MCC: variants seen among roughly 807,000 people sequenced by gnomAD.
The protein encoded by MCC is colorectal mutant cancer protein.
In MCC, 90 loss-of-function variants were observed where a neutral mutation model predicts 116.2. The observed-to-expected ratio is 0.77, with a 90% CI of 0.65 to 0.92. The LOEUF is 0.92. Among genes scored for constraint, MCC ranks in the 40% least tolerant of loss-of-function variants. The pLI, the probability that MCC is intolerant of heterozygous loss-of-function variation, is 0.00. For synonymous variants in MCC, 578 were observed against 510.5 expected, an observed-to-expected ratio of 1.13 and a Z score of -1.78; for missense variants, 1,516 against 1,312.2, an observed-to-expected ratio of 1.16 and a Z score of -2.40.
In MCC at chr5:113,446,071, C is replaced by T. The variant is rs137943725; in HGVS notation, c.170+42174G>A. 2.3e-3 allele frequency among the ~76,000 whole-genome samples: 351 copies of T among 152,272 alleles called. 2 individuals are homozygous for T. The highest frequency in any genetic ancestry group is 8.3e-3 in the African/African-American group (344 of 41,560). ...GCAGAAGAATTCAACTGAACCCCTACCTTTCACCATATATAAAAATTAACT... is the reference window on the plus strand; with the variant it reads ...GCAGAAGAATTCAACTGAACCCCTATCTTTCACCATATATAAAAATTAACT... On this transcript the variant is annotated intron_variant, in intron 1 of 18. Transcript: ENST00000408903.
At chr5:113,252,115 A>C (rs1488808780) in intron 3 of MCC, among the ~76,000 whole-genome samples, 1 of 152,122 alleles carries the variant, frequency 6.6e-6, no homozygotes, top group Non-Finnish European at 1.5e-5. Flanking sequence ...GCCAACACCT[A>C]ACCAGTGGCT....
intron 6 of MCC, among the ~76,000 whole-genome samples, chr5:113,118,336 C>T (rs931160835): frequency 5.9e-5 from 9 of 152,060 alleles, no homozygotes; most frequent in Non-Finnish European, 7.4e-5. Context: ...CAATGTGTGA[C>T]GAGGTTTGAT....
chr5:113,457,669 C>G (rs1437910954), intron 1 of MCC, among the ~76,000 whole-genome samples: 1 of 151,278 alleles, frequency 6.6e-6, no homozygotes, highest in Admixed American at 6.6e-5. Context: ...ATACACCAAT[C>G]GGCACTCTGT....
chr5:113,403,265 C>T (rs1314739583), intron 1 of MCC, among the ~76,000 whole-genome samples: 1 of 152,098 alleles, frequency 6.6e-6, no homozygotes, highest in Non-Finnish European at 1.5e-5. Context: ...TTTGACGTAC[C>T]ATTCTAAGGA....
At chr5:113,096,318 C>A (rs1322097553) in intron 8 of MCC, among the ~76,000 whole-genome samples, 1 of 152,240 alleles carries the variant, frequency 6.6e-6, no homozygotes, top group Middle Eastern at 3.2e-3. Flanking sequence ...GTGCTGACCA[C>A]AATCATAATG....
intron 2 of MCC, among the ~76,000 whole-genome samples, chr5:113,382,131 C>A (rs1409622358): frequency 6.6e-6 from 1 of 152,032 alleles, no homozygotes; most frequent in South Asian, 2.1e-4. Context: ...CTAATGGGGA[C>A]ACAAAGTCAA....
chr5:113,213,381 A>C (rs1763200037), intron 3 of MCC, among the ~76,000 whole-genome samples: 1 of 152,226 alleles, frequency 6.6e-6, no homozygotes, highest in Admixed American at 6.5e-5. Flanking sequence ...GGGGGAGATA[A>C]AGAAATCTGT....
At chr5:113,479,861 G>C (rs1161599137) in intron 1 of MCC, among the ~76,000 whole-genome samples, 2 of 152,116 alleles carry the variant, frequency 1.3e-5, no homozygotes, top group Non-Finnish European at 2.9e-5. Context: ...CTTGGCTTTG[G>C]TTATGCTGCC....
chr5:113,132,765 T>C (rs1470444693), intron 5 of MCC, among the ~76,000 whole-genome samples: 1 of 152,184 alleles, frequency 6.6e-6, no homozygotes, highest in Non-Finnish European at 1.5e-5. Flanking sequence ...TACTGGAAGG[T>C]ATCCTAGGGA....
rs1750382696 is a variant in MCC, at chr5:113,024,403, C to G, written c.*2899G>C. ...CACTCGCAACTACGGACAGAAGTCT[C>G]TTTTGCTTGTGATTTGCACAGTTGG... On this transcript the variant is annotated 3_prime_UTR_variant, in exon 19 of 19. Coordinates refer to ENST00000408903, the MANE Select transcript of MCC (RefSeq NM_001085377.2). 6.6e-6 allele frequency: 1 copy of G among 152,176 alleles called. No homozygotes were observed. The highest frequency in any genetic ancestry group is 1.5e-5 in the Non-Finnish European group (1 of 68,050). The allele number at this position is 152,176 out of a possible 1,614,324, so 9.4% of individuals were successfully genotyped here.
chr5:113,170,054 C>T (rs141029145), intron 3 of MCC, among the ~76,000 whole-genome samples: 1 of 152,212 alleles, frequency 6.6e-6, no homozygotes, highest in Non-Finnish European at 1.5e-5. Flanking sequence ...ATATACCCCA[C>T]ACATCTAAGC....
At chr5:113,411,779 G>C (rs1769999611) in intron 1 of MCC, among the ~76,000 whole-genome samples, 1 of 152,130 alleles carries the variant, frequency 6.6e-6, no homozygotes, top group Admixed American at 6.5e-5. Flanking sequence ...AGTTTAATTA[G>C]ATCCCATTTG....
At chr5:113,258,602 A>G (rs1450940107) in intron 3 of MCC, among the ~76,000 whole-genome samples, 6 of 152,314 alleles carry the variant, frequency 3.9e-5, no homozygotes, top group African/African-American at 1.4e-4. Context: ...TCATCCCAAT[A>G]CCATCCGCCA....
In MCC at chr5:113,077,512, CTG is replaced by C; in HGVS notation, c.1784+5346_1784+5347del. ...TCAGGATTAAGAAACTCACTCAAAACTGCATAACTACATGGAAACTGAACAAC... is the reference window on the plus strand; with the variant it reads ...TCAGGATTAAGAAACTCACTCAAAACCATAACTACATGGAAACTGAACAAC... On this transcript the variant is annotated intron_variant, in intron 11 of 18. Coordinates refer to ENST00000408903, the MANE Select transcript of MCC (RefSeq NM_001085377.2). Among the ~76,000 whole-genome samples, 5 of 152,300 alleles carry C rather than the reference CTG, an allele frequency of 3.3e-5. No homozygotes were observed. In the South Asian group the frequency reaches 1.0e-3, roughly 32 times the overall value.
intron 1 of MCC, among the ~76,000 whole-genome samples, chr5:113,457,942 T>C (rs1358389030): frequency 1.3e-5 from 2 of 152,024 alleles, no homozygotes; most frequent in Admixed American, 6.5e-5. Flanking sequence ...TGGTGGGGCC[T>C]TGAAGAACCT....
At chr5:113,100,359 G>C (rs1007229385) in intron 8 of MCC, among the ~76,000 whole-genome samples, 1 of 151,522 alleles carries the variant, frequency 6.6e-6, no homozygotes, top group South Asian at 2.1e-4. Flanking sequence ...CACATCCTGA[G>C]CTCGTTGAAG....
chr5:113,334,666 C>T (rs1199402711), intron 3 of MCC, among the ~76,000 whole-genome samples: 1 of 146,930 alleles, frequency 6.8e-6, no homozygotes, highest in Non-Finnish European at 1.5e-5. Context: ...TCTCAGCTCA[C>T]TGCAACCTCC....
At chr5:113,041,438 A>G (rs752404905) in intron 17 of MCC, among the ~76,000 whole-genome samples, 5 of 152,260 alleles carry the variant, frequency 3.3e-5, no homozygotes, top group Admixed American at 1.3e-4. Context: ...CTTCCTGAAG[A>G]GAAAACCACA....
At chr5:113,127,441 T>C (rs1013362702) in intron 5 of MCC, among the ~76,000 whole-genome samples, 3 of 152,220 alleles carry the variant, frequency 2.0e-5, no homozygotes, top group African/African-American at 7.2e-5. Context: ...TTTCCCACAA[T>C]GACTGAACTC....
Sources: gnomAD v4.1 joint callset for allele counts (sites outside exome capture counted in the v4.1 genomes callset) on GRCh38, gnomAD v4.1.1 for gene constraint, MANE v1.5 for transcripts, NCBI Gene and HGNC (gene_info 2026-07-23, HGNC 2026-07-21) for gene names.